Variants in FAM227B observed in about 807,000 individuals in gnomAD.
FAM227B encodes family with sequence similarity 227 member B.
In FAM227B, 88 loss-of-function variants were observed where a neutral mutation model predicts 73.8. The ratio of observed to expected loss-of-function variants is 1.19; its 90% CI spans 1.00 to 1.42. The LOEUF (loss-of-function observed/expected upper bound fraction) is 1.42. Among genes scored for constraint, FAM227B ranks in the 40% most tolerant of loss-of-function variants. The probability of loss-of-function intolerance (pLI) is 0.00; values close to 1 mark genes in which losing one functional copy is unlikely to be tolerated. For missense variants in FAM227B, 632 were observed against 590.9 expected (o/e 1.07, Z -0.72); for synonymous variants, 210 against 190.5 (o/e 1.10, Z -0.84).
At chr15:49,584,604 C>A (rs952887947) in intron 5 of FAM227B, among the ~76,000 whole-genome samples, 1 of 152,038 alleles carries the variant, frequency 6.6e-6, no homozygotes, top group African/African-American at 2.4e-5. Flanking sequence ...TTATCCTATA[C>A]CTAGAAACCC....
intron 11 of FAM227B, among the ~76,000 whole-genome samples, chr15:49,450,237 C>A (rs1321460622): frequency 2.0e-5 from 3 of 152,098 alleles, no homozygotes. Flanking sequence ...AATTGAACAA[C>A]TGATGAAGTG....
At chr15:49,618,463 G>T (rs1269582054) in intron 1 of FAM227B, among the ~76,000 whole-genome samples, 1 of 152,222 alleles carries the variant, frequency 6.6e-6, no homozygotes, top group Non-Finnish European at 1.5e-5. Flanking sequence ...CATTAAAAAT[G>T]GCAGTTAAGA....
At chr15:49,328,726 A>G (rs1286434978) in intron 15 of FAM227B, 51 bp from the exon 16 acceptor site, 6 of 1,522,772 alleles carry the variant, frequency 3.9e-6, no homozygotes, top group Admixed American at 2.1e-5. Context: ...TGGACATTGT[A>G]TAATTGAATT....
At position 49,327,092 on chromosome 15, in the gene FAM227B, T is replaced by C. The variant is rs1354059056; in HGVS notation, c.*1476A>G. 1 of 152,224 alleles carries C rather than the reference T, an allele frequency of 6.6e-6. No homozygotes were observed. The highest frequency in any genetic ancestry group is 2.4e-5 in the African/African-American group (1 of 41,456). The allele number at this position is 152,224 out of a possible 1,614,324, so 9.4% of individuals were successfully genotyped here. On this transcript the variant is annotated 3_prime_UTR_variant, in exon 16 of 16. Coordinates refer to ENST00000299338, the MANE Select transcript of FAM227B (RefSeq NM_152647.3). ...GCATCTTTTAAAGCTAAGTGATCTG[T>C]GTACATTGTGATAGGGCCTTTCACT...
rs568726764 is a variant in FAM227B, at chr15:49,441,573, T to C, written c.1012+66638A>G. Among the ~76,000 whole-genome samples, 22 of 151,678 alleles carry C rather than the reference T, an allele frequency of 1.5e-4. No individual in the cohort carries two copies. The South Asian group carries it at 3.5e-3, about 24-fold the overall frequency. ...ACAAAGATTAGTTAGGATTTCCATA[T>C]ATAGAGAGAAAAGGAGAGTGCATTT... On this transcript the variant is annotated intron_variant, in intron 11 of 15. Coordinates refer to ENST00000299338, the MANE Select transcript of FAM227B (RefSeq NM_152647.3).
intron 9 of FAM227B, among the ~76,000 whole-genome samples, chr15:49,564,133 A>G (rs1215189369): frequency 6.6e-6 from 1 of 152,224 alleles, no homozygotes; most frequent in East Asian, 1.9e-4. Context: ...TTAAGATTTA[A>G]GCAATTCAAC....
intron 11 of FAM227B, chr15:49,396,136 T>TGC (rs1257224190): frequency 2.7e-6 from 1 of 375,834 alleles, no homozygotes; most frequent in Non-Finnish European, 5.3e-6. Context: ...TCAGTGGGTG[T>TGC]GCTCACCGTG....
At chr15:49,401,050 A>G (rs1352445184) in intron 11 of FAM227B, among the ~76,000 whole-genome samples, 1 of 152,248 alleles carries the variant, frequency 6.6e-6, no homozygotes, top group African/African-American at 2.4e-5. Flanking sequence ...AACTACCATC[A>G]GAGTGAACAG....
chr15:49,515,638 A>T (rs2059325833), intron 10 of FAM227B, among the ~76,000 whole-genome samples: 1 of 152,166 alleles, frequency 6.6e-6, no homozygotes, highest in Non-Finnish European at 1.5e-5. Context: ...AAACTGACCA[A>T]ATCTAGTCTA....
chr15:49,545,039 C>G (rs1180396215), intron 9 of FAM227B, among the ~76,000 whole-genome samples: 1 of 152,124 alleles, frequency 6.6e-6, no homozygotes, highest in Admixed American at 6.5e-5. Context: ...AAGAGTCCCT[C>G]TTTCACCATC....
chr15:49,477,773 C>A (rs1195745109), intron 11 of FAM227B, among the ~76,000 whole-genome samples: 2 of 152,198 alleles, frequency 1.3e-5, no homozygotes, highest in Non-Finnish European at 2.9e-5. Flanking sequence ...CATGTGACTG[C>A]ACCATTTTGC....
At chr15:49,409,678 G>A (rs143392988) in intron 11 of FAM227B, among the ~76,000 whole-genome samples, 4 of 151,946 alleles carry the variant, frequency 2.6e-5, no homozygotes, top group Admixed American at 1.3e-4. Flanking sequence ...ACTATCTCTC[G>A]TTTAACTTTC....
At chr15:49,409,272 T>C (rs1304725431) in intron 11 of FAM227B, among the ~76,000 whole-genome samples, 1 of 152,122 alleles carries the variant, frequency 6.6e-6, no homozygotes, top group Admixed American at 6.6e-5. Context: ...AAGTGAAGCA[T>C]GCTAGGGACA....
intron 11 of FAM227B, among the ~76,000 whole-genome samples, chr15:49,400,612 T>C (rs1412997976): frequency 1.1e-5 from 1 of 94,798 alleles, no homozygotes; most frequent in Admixed American, 9.3e-5. Context: ...ACTACAAGGC[T>C]ACAGTAACCA....
chr15:49,391,825 T>G (rs1481380381), intron 11 of FAM227B, among the ~76,000 whole-genome samples: 1 of 152,058 alleles, frequency 6.6e-6, no homozygotes, highest in East Asian at 1.9e-4. Flanking sequence ...TAAAAAGAGG[T>G]GTCTCTGCTT....
At chr15:49,594,292 T>G (rs1738504981) in intron 3 of FAM227B, among the ~76,000 whole-genome samples, 1 of 152,124 alleles carries the variant, frequency 6.6e-6, no homozygotes, top group Non-Finnish European at 1.5e-5. Context: ...TTTTTCTTGC[T>G]GATTTGAGTT....
At chr15:49,504,177 C>CA (rs1184512824) in intron 11 of FAM227B, among the ~76,000 whole-genome samples, 1 of 149,378 alleles carries the variant, frequency 6.7e-6, no homozygotes, top group Admixed American at 6.8e-5. Context: ...ATCGCAAGGA[C>CA]AAAAAACCAA....
At chr15:49,404,339 G>C (rs1326287195) in intron 11 of FAM227B, among the ~76,000 whole-genome samples, 1 of 152,114 alleles carries the variant, frequency 6.6e-6, no homozygotes, top group Non-Finnish European at 1.5e-5. Context: ...TCAATGATCT[G>C]TATTAATACT....
chr15:49,616,860 G>A (rs1478607324), intron 1 of FAM227B, among the ~76,000 whole-genome samples: 1 of 152,050 alleles, frequency 6.6e-6, no homozygotes, highest in African/African-American at 2.4e-5. Flanking sequence ...GCAATCTGTA[G>A]TGTCTGTGGT....
Sources: gnomAD v4.1 joint callset for allele counts (sites outside exome capture counted in the v4.1 genomes callset) on GRCh38, gnomAD v4.1.1 for gene constraint, MANE v1.5 for transcripts, NCBI Gene and HGNC (gene_info 2026-07-23, HGNC 2026-07-21) for gene names.